The following RAD17 variants were observed in gnomAD, a reference collection of about 807,000 sequenced individuals.
The protein encoded by RAD17 is cell cycle checkpoint protein RAD17.
A neutral mutation model predicts 81.5 loss-of-function variants in RAD17; 31 were observed. The observed-to-expected ratio is 0.38, with a 90% CI of 0.29 to 0.51. The LOEUF is 0.51. RAD17 is among the 20% of genes least tolerant of loss of function. The probability of loss-of-function intolerance (pLI) is 0.88; values close to 1 mark genes in which losing one functional copy is unlikely to be tolerated. For synonymous variants in RAD17, 261 were observed against 266.2 expected, an observed-to-expected ratio of 0.98 and a Z score of 0.19; for missense variants, 681 against 781.2, an observed-to-expected ratio of 0.87 and a Z score of 1.53.
intron 5 of RAD17, 24 bp downstream of exon 5, chr5:69,374,111 T>C (rs1423086748): frequency 1.3e-6 from 2 of 1,575,602 alleles, no homozygotes; most frequent in Non-Finnish European, 1.7e-6. Flanking sequence ...TGCAGACATA[T>C]CTACATAATT....
chr5:69,406,411 T>A (rs1274590151), intron 17 of RAD17, among the ~76,000 whole-genome samples: 1 of 151,986 alleles, frequency 6.6e-6, no homozygotes, highest in Non-Finnish European at 1.5e-5. Context: ...GATCAAAGAA[T>A]ACAAAATTTT....
chr5:69,397,262 C>T (rs528062487), intron 16 of RAD17, among the ~76,000 whole-genome samples: 1 of 152,288 alleles, frequency 6.6e-6, no homozygotes, highest in South Asian at 2.1e-4. Context: ...CCACCTCAGC[C>T]TCCTGAGTAG....
chr5:69,398,731 G>A (rs985553902), intron 16 of RAD17, among the ~76,000 whole-genome samples: 2 of 151,544 alleles, frequency 1.3e-5, no homozygotes, highest in African/African-American at 2.4e-5. Context: ...GCGTGAACCC[G>A]GGAGGCAGAA....
intron 8 of RAD17, 65 bp downstream of exon 8, chr5:69,384,998 C>G: frequency 7.4e-7 from 1 of 1,360,354 alleles, no homozygotes; most frequent in Non-Finnish European, 9.8e-7. Flanking sequence ...GTGTCACTGT[C>G]ACCCAGGCTG....
At chr5:69,375,916 T>C (rs1417027963) in intron 6 of RAD17, among the ~76,000 whole-genome samples, 1 of 152,148 alleles carries the variant, frequency 6.6e-6, no homozygotes, top group Non-Finnish European at 1.5e-5. Context: ...ACCAGGCCGG[T>C]TGACTTGTAG....
rs1470371013 is a variant in RAD17, at chr5:69,410,971, A to C, written c.1751+421A>C. The stretch of plus-strand genomic sequence containing the variant: ...GCAAAAAATAGATGTCTGTCTATAT[A>C]TATATATATATATATATATATATAT... On this transcript the variant is annotated intron_variant, in intron 18 of 18. Coordinates refer to ENST00000354868, the MANE Select transcript of RAD17 (RefSeq NM_133338.3). 4.9e-3 allele frequency among the ~76,000 whole-genome samples: 686 copies of C among 140,432 alleles called. 20 individuals are homozygous for C. The highest frequency in any genetic ancestry group is 0.015 in the African/African-American group (584 of 38,284). The allele number at this position is 140,432 out of a possible 152,430, so 92.1% of individuals were successfully genotyped here.
upstream of RAD17, chr5:69,369,325 G>C: frequency 1.2e-6 from 1 of 823,652 alleles, no homozygotes; most frequent in East Asian, 4.1e-5. Context: ...GGCTCCCGGG[G>C]CGCTGACAAC....
At chr5:69,410,966 T>TGTCCATATATATA (rs1491369312) in intron 18 of RAD17, among the ~76,000 whole-genome samples, 2 of 3,190 alleles carry the variant, frequency 6.3e-4, no homozygotes, top group African/African-American at 8.7e-4. Context: ...GATGTCTGTC[T>TGTCCATATATATA]ATATATATAT....
intron 16 of RAD17, among the ~76,000 whole-genome samples, chr5:69,399,312 A>G (rs1194433870): frequency 6.6e-6 from 1 of 151,994 alleles, no homozygotes; most frequent in Non-Finnish European, 1.5e-5. Flanking sequence ...AGCAACAATC[A>G]CCTCGCCATG....
chr5:69,384,579 G>A (rs1764060701), intron 7 of RAD17, among the ~76,000 whole-genome samples: 1 of 152,156 alleles, frequency 6.6e-6, no homozygotes, highest in African/African-American at 2.4e-5. Flanking sequence ...GCCTCCCAAA[G>A]TGCTGGGATT....
chr5:69,385,022 C>T (rs915436501), intron 8 of RAD17, 89 bp downstream of exon 8: 25 of 1,140,294 alleles, frequency 2.2e-5, no homozygotes, highest in Middle Eastern at 3.3e-4. Flanking sequence ...TGCAGTGGCG[C>T]GATCTCAGCT....
intron 17 of RAD17, among the ~76,000 whole-genome samples, chr5:69,404,995 T>TG (rs1289293799): frequency 6.6e-6 from 1 of 152,046 alleles, no homozygotes; most frequent in African/African-American, 2.4e-5. Flanking sequence ...AAAAGGTATA[T>TG]GAAAAACTGC....
At chr5:69,392,703 C>A in intron 13 of RAD17, 1 of 409,408 alleles carries the variant, frequency 2.4e-6, no homozygotes, top group Non-Finnish European at 5.0e-6. Context: ...GTGACTATTC[C>A]CACCTGATTC....
At chr5:69,371,292 T>C in intron 2 of RAD17, 121 bp downstream of exon 2, 1 of 498,086 alleles carries the variant, frequency 2.0e-6, no homozygotes, top group East Asian at 3.4e-5. Flanking sequence ...ATTAAAATTA[T>C]TTTAGAATTT....
chr5:69,390,188 G>A (rs1177726575), intron 12 of RAD17, among the ~76,000 whole-genome samples: 1 of 152,172 alleles, frequency 6.6e-6, no homozygotes, highest in East Asian at 1.9e-4. Context: ...TGACATCAAA[G>A]AGTGGGCCAG....
intron 12 of RAD17, 135 bp downstream of exon 12, chr5:69,389,280 T>G (rs1182773003): frequency 2.2e-6 from 1 of 453,118 alleles, no homozygotes; most frequent in Admixed American, 4.2e-5. Context: ...AGACAGTGGC[T>G]TAAAATTAAA....
chr5:69,401,877 G>T (rs1246035671), intron 17 of RAD17, among the ~76,000 whole-genome samples: 1 of 151,210 alleles, frequency 6.6e-6, no homozygotes, highest in Non-Finnish European at 1.5e-5. Flanking sequence ...GGTGGTGGGT[G>T]CCTGTAGTCC....
Position 69,372,223 on chromosome 5 carries a change from T to C in RAD17, c.9+6T>C. Reference sequence around the variant, plus strand: ...ATGAGGACGAAATGAATCAGGTAGCTATGACTAAAATTTTTTCCAGTGGTC... The same window carrying C: ...ATGAGGACGAAATGAATCAGGTAGCCATGACTAAAATTTTTTCCAGTGGTC... On this transcript the variant is annotated splice_donor_region_variant and intron_variant, in intron 4 of 18. Transcript: ENST00000354868. 2.5e-6 allele frequency: 4 copies of C among 1,599,876 alleles called. No homozygotes were observed. Among genetic ancestry groups the C allele is most frequent in the Non-Finnish European group, 3.4e-6 (4 of 1,167,476 alleles).
At position 69,389,367 on chromosome 5, in the gene RAD17, T is replaced by A. The variant is rs1422652447; in HGVS notation, c.1006+222T>A. Among the ~76,000 whole-genome samples the A allele has an allele frequency of 2.0e-5, 3 of 152,320 alleles. No homozygotes were observed. In the East Asian group the frequency reaches 5.8e-4, roughly 29 times the overall value. The stretch of plus-strand genomic sequence containing the variant: ...TTGTTTCTGTTTGAGATAGTTTACC[T>A]TTCAAAGTTAACTTAGAACCAGATT... On this transcript the variant is annotated intron_variant, in intron 12 of 18. Transcript: ENST00000354868.
Sources: gnomAD v4.1 joint callset for allele counts (sites outside exome capture counted in the v4.1 genomes callset) on GRCh38, gnomAD v4.1.1 for gene constraint, MANE v1.5 for transcripts, NCBI Gene and HGNC (gene_info 2026-07-23, HGNC 2026-07-21) for gene names.